KIF26B: variants seen among roughly 807,000 people sequenced by gnomAD.
KIF26B encodes kinesin-like protein KIF26B.
A neutral mutation model predicts 151.2 loss-of-function variants in KIF26B; 63 were observed. That is an observed-to-expected ratio of 0.42 (90% CI 0.34 to 0.51). The LOEUF (loss-of-function observed/expected upper bound fraction) is 0.51, where lower values mean the gene tolerates loss of function less well. KIF26B is among the 20% of genes least tolerant of loss of function. KIF26B has a pLI of 0.07. For missense variants in KIF26B, 2,813 were observed against 2,913.6 expected (o/e 0.97, Z 0.79); for synonymous variants, 1,357 against 1,262.1 (o/e 1.08, Z -1.59).
At chr1:245,325,836 AG>A (rs775762704) in intron 2 of KIF26B, among the ~76,000 whole-genome samples, 4 of 152,038 alleles carry the variant, frequency 2.6e-5, no homozygotes, top group African/African-American at 7.2e-5. Flanking sequence ...TGTGTGGCGG[AG>A]GGGGGGTGGT....
intron 4 of KIF26B, among the ~76,000 whole-genome samples, chr1:245,471,187 G>A (rs1458651032): frequency 6.6e-6 from 1 of 151,926 alleles, no homozygotes; most frequent in Non-Finnish European, 1.5e-5. Flanking sequence ...CTGGAGTACA[G>A]TGGCACCATC....
At chr1:245,526,416 C>T (rs1191965014) in intron 4 of KIF26B, among the ~76,000 whole-genome samples, 1 of 149,722 alleles carries the variant, frequency 6.7e-6, no homozygotes, top group African/African-American at 2.5e-5. Context: ...AGAAATTCTG[C>T]CCGACTTCTG....
chr1:245,687,888 G>A lies in KIF26B; in HGVS notation c.4905G>A (p.Ala1635=), dbSNP rs1408278700. Residue 1635 remains alanine (A), a synonymous_variant, in exon 12 of 15, where the codon GCG becomes GCA. Transcript: ENST00000407071. This position sits in a 1 kb window ranked among gnomAD's most constrained non-coding sequence, Gnocchi z 4.9. The part of the protein sequence containing the change: ...SPLNQPAAFP[A]GLPDEPSGKT... ...TGAACCAACCAGCCGCCTTCCCGGC[G>A]GGCCTCCCAGACGAGCCTAGCGGCA... The A allele has an allele frequency of 2.5e-6, 4 of 1,591,180 alleles. No homozygotes were observed. The highest frequency in any genetic ancestry group is 2.7e-5 in the African/African-American group (2 of 74,398).
chr1:245,605,320 G>T (rs980132107), intron 6 of KIF26B, among the ~76,000 whole-genome samples: 1 of 152,192 alleles, frequency 6.6e-6, no homozygotes, highest in Non-Finnish European at 1.5e-5. Flanking sequence ...CCCACAGGGT[G>T]GGCACCCCTG....
At chr1:245,395,044 A>G (rs1673798942) in intron 3 of KIF26B, among the ~76,000 whole-genome samples, 1 of 152,088 alleles carries the variant, frequency 6.6e-6, no homozygotes, top group Non-Finnish European at 1.5e-5. Flanking sequence ...TTTATTCAGG[A>G]CCTACTCCTT....
chr1:245,605,261 T>A (rs1303708494), intron 6 of KIF26B, among the ~76,000 whole-genome samples: 1 of 152,168 alleles, frequency 6.6e-6, no homozygotes, highest in Non-Finnish European at 1.5e-5. Flanking sequence ...ATTTTTACCG[T>A]TATCACTGCC....
chr1:245,319,381 C>A (rs962425710), intron 2 of KIF26B, among the ~76,000 whole-genome samples: 1 of 152,194 alleles, frequency 6.6e-6, no homozygotes, highest in Non-Finnish European at 1.5e-5. Flanking sequence ...GAGTCTTCTG[C>A]CATTGGCCAT....
rs112283221 is a variant in KIF26B at position 245,352,836 on chromosome 1, C to CGTGTGT, written c.466-13982_466-13977dup. Among the ~76,000 whole-genome samples, 9 of 148,738 alleles carry CGTGTGT rather than the reference C, an allele frequency of 6.1e-5. No individual in the cohort carries two copies. Among genetic ancestry groups the CGTGTGT allele is most frequent in the Admixed American group, 5.4e-4 (8 of 14,892 alleles). On this transcript the variant is annotated intron_variant, in intron 2 of 14. Coordinates refer to ENST00000407071, the MANE Select transcript of KIF26B (RefSeq NM_018012.4). The surrounding 1 kb of genome is among the most constrained non-coding windows in gnomAD (Gnocchi z 5.0). ...TGGTTTCTTCCTAAAGAGATGTACA[C>CGTGTGT]GTGTGTGTGTGTGTGTGTGTGGTGG...
Position 245,352,279 on chromosome 1 carries a change from T to C in KIF26B, c.466-14555T>C, listed in dbSNP as rs1672583610. 6.6e-6 allele frequency among the ~76,000 whole-genome samples: 1 copy of C among 152,238 alleles called. No individual in the cohort carries two copies. Among genetic ancestry groups the C allele is most frequent in the Admixed American group, 6.5e-5 (1 of 15,280 alleles). On this transcript the variant is annotated intron_variant, in intron 2 of 14. Transcript: ENST00000407071. The surrounding 1 kb of genome is among the most constrained non-coding windows in gnomAD (Gnocchi z 5.0). ...GTTTGTTTGTTTGTTTGTGTTCCTT[T>C]TTGAGACAGAGTCTCATTCCTTCAC...
chr1:245,199,135 C>T lies in KIF26B; in HGVS notation c.465+42452C>T, dbSNP rs575288694. Among the ~76,000 whole-genome samples the T allele has an allele frequency of 4.6e-5, 7 of 152,188 alleles. No homozygotes were observed. The East Asian group carries it at 5.8e-4, about 13-fold the overall frequency. On this transcript the variant is annotated intron_variant, in intron 2 of 14. Transcript: ENST00000407071. ...GGCTGGTGACAGAGCTAAGGCAAGA[C>T]GCAGGTCTCCTTACTCCTGGTGCAC...
chr1:245,271,305 A>G (rs190450594), intron 2 of KIF26B, among the ~76,000 whole-genome samples: 57 of 152,248 alleles, frequency 3.7e-4, no homozygotes, highest in Non-Finnish European at 7.2e-4. Flanking sequence ...TGCCATTGGG[A>G]ATTTGCTAGG....
intron 5 of KIF26B, among the ~76,000 whole-genome samples, chr1:245,555,248 G>T (rs898327848): frequency 2.0e-5 from 3 of 152,052 alleles, no homozygotes; most frequent in Admixed American, 2.0e-4. Flanking sequence ...AAAGGATAAA[G>T]AAGGGAATTC....
intron 4 of KIF26B, among the ~76,000 whole-genome samples, chr1:245,505,456 G>T (rs187118726): frequency 6.6e-6 from 1 of 152,138 alleles, no homozygotes; most frequent in Non-Finnish European, 1.5e-5. Context: ...CACAATCTTG[G>T]CTCATTGCAA....
intron 2 of KIF26B, among the ~76,000 whole-genome samples, chr1:245,196,389 G>C (rs1356927568): frequency 3.3e-5 from 5 of 152,142 alleles, no homozygotes; most frequent in Non-Finnish European, 5.9e-5. Context: ...ATATTTCCGA[G>C]TTGATTGTCA....
At chr1:245,427,398 C>T (rs141551282) in intron 4 of KIF26B, among the ~76,000 whole-genome samples, 7 of 152,280 alleles carry the variant, frequency 4.6e-5, no homozygotes, top group Admixed American at 3.9e-4. Context: ...CACCTGAGGT[C>T]GGGAGTTTGC....
intron 12 of KIF26B, among the ~76,000 whole-genome samples, chr1:245,696,113 T>C (rs1333079232): frequency 6.6e-6 from 1 of 152,226 alleles, no homozygotes; most frequent in African/African-American, 2.4e-5. Context: ...CACACCCTTG[T>C]GTAGTCCCCT....
intron 2 of KIF26B, among the ~76,000 whole-genome samples, chr1:245,327,162 G>A (rs767670322): frequency 4.6e-5 from 7 of 152,284 alleles, no homozygotes; most frequent in Admixed American, 1.3e-4. Flanking sequence ...CTATGGCTTT[G>A]GAAGGCACCC....
intron 6 of KIF26B, among the ~76,000 whole-genome samples, chr1:245,604,501 C>T (rs2043429125): frequency 6.6e-6 from 1 of 152,174 alleles, no homozygotes; most frequent in African/African-American, 2.4e-5. Flanking sequence ...TGTGGCATAT[C>T]ACCCAATGGG....
At chr1:245,190,473 C>A (rs1266905502) in intron 2 of KIF26B, among the ~76,000 whole-genome samples, 1 of 152,088 alleles carries the variant, frequency 6.6e-6, no homozygotes, top group Non-Finnish European at 1.5e-5. Context: ...GCACATCCCA[C>A]AAGCAGTCAC....
Sources: allele counts gnomAD v4.1 joint callset (sites outside exome capture counted in the v4.1 genomes callset), GRCh38; gene constraint gnomAD v4.1.1; non-coding constraint Gnocchi (gnomAD v3.1); transcripts MANE v1.5; gene names NCBI Gene and HGNC (gene_info 2026-07-23, HGNC 2026-07-21).